Variants in CCSER1 observed in about 807,000 individuals in gnomAD.
The protein encoded by CCSER1 is coiled-coil serine rich protein 1.
Under a neutral mutation model 82.0 loss-of-function variants are expected in CCSER1, and 41 were observed. The observed-to-expected ratio is 0.50, with a 90% CI of 0.39 to 0.65. The LOEUF (loss-of-function observed/expected upper bound fraction) is 0.65. Ranked by LOEUF, CCSER1 falls within the 30% of genes least tolerant of loss-of-function variation. The probability of loss-of-function intolerance (pLI) is 0.00; values close to 1 mark genes in which losing one functional copy is unlikely to be tolerated. For missense variants in CCSER1, 1,119 were observed against 1,064.2 expected (o/e 1.05, Z -0.72); for synonymous variants, 414 against 383.9 (o/e 1.08, Z -0.92).
At chr4:91,508,945 C>T (rs1216454644) in intron 10 of CCSER1, among the ~76,000 whole-genome samples, 1 of 151,688 alleles carries the variant, frequency 6.6e-6, no homozygotes, top group Non-Finnish European at 1.5e-5. Flanking sequence ...ATTGTCATGC[C>T]CCCTTTTTCA....
intron 10 of CCSER1, among the ~76,000 whole-genome samples, chr4:91,438,630 G>A (rs1281302644): frequency 6.6e-6 from 1 of 152,190 alleles, no homozygotes; most frequent in Non-Finnish European, 1.5e-5. Flanking sequence ...AAAGCTGGAT[G>A]GAGAATGACT....
At chr4:90,591,083 G>A (rs1782634754) in intron 5 of CCSER1, among the ~76,000 whole-genome samples, 1 of 152,140 alleles carries the variant, frequency 6.6e-6, no homozygotes, top group African/African-American at 2.4e-5. Context: ...GTTCACTCAT[G>A]ATTTGGCTCT....
In CCSER1 at chr4:90,312,983, TAGA is replaced by T. The variant is rs541627649; in HGVS notation, c.1451_1453del (p.Glu484del). The stretch of plus-strand genomic sequence containing the variant: ...ATTTTGAAACCGAAAGATGGAAATA[TAGA>T]AGAAGTTAATAGTTTAAGAAAGCAA... On this transcript the variant is annotated inframe_deletion, in exon 3 of 11. Coordinates refer to ENST00000509176, the MANE Select transcript of CCSER1 (RefSeq NM_001145065.2). 6.4e-4 allele frequency: 1,026 copies of T among 1,604,016 alleles called. 5 individuals are homozygous for T. In the African/African-American group the frequency reaches 0.012, roughly 20 times the overall value.
At chr4:90,753,631 TTCCCAC>T (rs1749059895) in intron 7 of CCSER1, among the ~76,000 whole-genome samples, 1 of 152,084 alleles carries the variant, frequency 6.6e-6, no homozygotes, top group Non-Finnish European at 1.5e-5. Flanking sequence ...GGTTTCTTTG[TTCCCAC>T]TCTTGTCTCC....
intron 3 of CCSER1, among the ~76,000 whole-genome samples, chr4:90,376,547 T>G (rs1050594617): frequency 7.2e-5 from 11 of 152,294 alleles, no homozygotes; most frequent in Admixed American, 5.9e-4. Context: ...TAGTCCCTGA[T>G]GGGTTGTAGG....
chr4:90,474,546 C>G (rs964972220), intron 5 of CCSER1, among the ~76,000 whole-genome samples: 3 of 152,140 alleles, frequency 2.0e-5, no homozygotes, highest in African/African-American at 7.2e-5. Flanking sequence ...CTCCCCAGCT[C>G]TAGATTCAGT....
chr4:91,149,168 A>G (rs1295225729), intron 10 of CCSER1, among the ~76,000 whole-genome samples: 2 of 152,040 alleles, frequency 1.3e-5, no homozygotes, highest in South Asian at 2.1e-4. Context: ...TTTAATGATC[A>G]CCATTCTAAC....
At chr4:91,237,047 A>G (rs113865655) in intron 10 of CCSER1, among the ~76,000 whole-genome samples, 84 of 152,298 alleles carry the variant, frequency 5.5e-4, no homozygotes, top group African/African-American at 2.0e-3. Context: ...CAATCTTTGT[A>G]AAGTTATCAC....
chr4:91,028,565 T>G (rs1740694729), intron 9 of CCSER1, among the ~76,000 whole-genome samples: 1 of 151,998 alleles, frequency 6.6e-6, no homozygotes, highest in African/African-American at 2.4e-5. Context: ...TGCCAATAAA[T>G]AATGTTTTGA....
At chr4:90,672,179 C>T (rs779088355) in intron 6 of CCSER1, among the ~76,000 whole-genome samples, 4 of 152,034 alleles carry the variant, frequency 2.6e-5, no homozygotes, top group African/African-American at 7.2e-5. Context: ...CTGTGTTAGC[C>T]TCCAAGAGAG....
chr4:90,150,791 A>T (rs1726698820), intron 1 of CCSER1, among the ~76,000 whole-genome samples: 1 of 152,176 alleles, frequency 6.6e-6, no homozygotes, highest in Non-Finnish European at 1.5e-5. Context: ...CACTGGGTTT[A>T]ATATTTATAT....
At chr4:91,133,508 T>C (rs566110117) in intron 10 of CCSER1, among the ~76,000 whole-genome samples, 77 of 152,288 alleles carry the variant, frequency 5.1e-4, no homozygotes, top group African/African-American at 1.5e-3. Flanking sequence ...TGAAGGTAGA[T>C]TGACGCCTCT....
At chr4:90,782,509 G>A (rs1396624776) in intron 7 of CCSER1, among the ~76,000 whole-genome samples, 1 of 152,002 alleles carries the variant, frequency 6.6e-6, no homozygotes, top group African/African-American at 2.4e-5. Flanking sequence ...AACAAAGGCA[G>A]GGAAAGCAGT....
At chr4:90,176,964 A>G (rs534479861) in intron 1 of CCSER1, among the ~76,000 whole-genome samples, 1 of 152,230 alleles carries the variant, frequency 6.6e-6, no homozygotes, top group South Asian at 2.1e-4. Flanking sequence ...GCATTACACT[A>G]TGAGCAAAAC....
intron 10 of CCSER1, among the ~76,000 whole-genome samples, chr4:91,311,803 C>A (rs1406320): frequency 1.3e-5 from 2 of 151,694 alleles, no homozygotes; most frequent in Non-Finnish European, 2.9e-5. Context: ...ACAATTAATC[C>A]AGGAATGCAC....
At chr4:91,001,558 A>G (rs1738039338) in intron 9 of CCSER1, among the ~76,000 whole-genome samples, 1 of 152,066 alleles carries the variant, frequency 6.6e-6, no homozygotes, top group Non-Finnish European at 1.5e-5. Context: ...GTTTTGTCTG[A>G]TATAAGAATA....
At chr4:91,003,221 G>T (rs10461125) in intron 9 of CCSER1, among the ~76,000 whole-genome samples, 41,524 of 151,986 alleles carry the variant, frequency 0.27, 6,865 homozygotes, top group East Asian at 0.38. Flanking sequence ...TTGTACGAGT[G>T]GGCCTCCTGC....
intron 7 of CCSER1, among the ~76,000 whole-genome samples, chr4:90,754,111 T>C (rs886729976): frequency 6.6e-6 from 1 of 152,194 alleles, no homozygotes; most frequent in Non-Finnish European, 1.5e-5. Flanking sequence ...TTATTTTTCA[T>C]AGCACAAACC....
chr4:91,469,711 C>T (rs576646106), intron 10 of CCSER1, among the ~76,000 whole-genome samples: 3 of 152,272 alleles, frequency 2.0e-5, no homozygotes, highest in Admixed American at 6.5e-5. Context: ...CATAATTCTG[C>T]ATATTGTTTA....
Sources: allele counts gnomAD v4.1 joint callset (sites outside exome capture counted in the v4.1 genomes callset), GRCh38; gene constraint gnomAD v4.1.1; transcripts MANE v1.5; gene names NCBI Gene and HGNC (gene_info 2026-07-23, HGNC 2026-07-21).